MAL2: variants seen among roughly 807,000 people sequenced by gnomAD.
MAL2 encodes mal, T cell differentiation protein 2.
In MAL2, 17 loss-of-function variants were observed where a neutral mutation model predicts 18.1. The ratio of observed to expected loss-of-function variants is 0.94; its 90% CI spans 0.64 to 1.41. The LOEUF (loss-of-function observed/expected upper bound fraction) is 1.41. Ranked by LOEUF, MAL2 falls within the 40% of genes most tolerant of loss-of-function variation. MAL2 has a pLI of 0.00. For synonymous variants in MAL2, 102 were observed against 102.3 expected (o/e 1.00, Z 0.02); for missense variants, 222 against 231.9 (o/e 0.96, Z 0.28).
At chr8:119,217,753 ACCATTTTTGT>A (rs1817381780) in intron 1 of MAL2, among the ~76,000 whole-genome samples, 1 of 152,056 alleles carries the variant, frequency 6.6e-6, no homozygotes, top group African/African-American at 2.4e-5. Context: ...GTCAGATTTA[ACCATTTTTGT>A]GTTCTGCTTT....
At chr8:119,219,825 G>A (rs1817434394) in intron 1 of MAL2, among the ~76,000 whole-genome samples, 2 of 151,646 alleles carry the variant, frequency 1.3e-5, no homozygotes. Context: ...AGCCCAGTAG[G>A]GAGGTTGCCC....
chr8:119,231,906 G>C (rs1305363599), intron 2 of MAL2, among the ~76,000 whole-genome samples: 1 of 151,908 alleles, frequency 6.6e-6, no homozygotes, highest in Non-Finnish European at 1.5e-5. Flanking sequence ...TGATTACCAG[G>C]GTATGGGGTG....
intron 2 of MAL2, among the ~76,000 whole-genome samples, chr8:119,235,523 A>G (rs978423258): frequency 6.8e-4 from 84 of 124,260 alleles, no homozygotes; most frequent in African/African-American, 2.1e-3. Flanking sequence ...GAAATGAAGG[A>G]AAAAATGTTA....
intron 2 of MAL2, chr8:119,223,884 C>T (rs1817524909): frequency 6.6e-6 from 1 of 151,952 alleles, no homozygotes; most frequent in African/African-American, 2.4e-5. Context: ...TGTACACTCT[C>T]CCAGGAAAAC....
intron 2 of MAL2, among the ~76,000 whole-genome samples, chr8:119,234,922 G>A (rs1217615639): frequency 5.3e-5 from 8 of 152,118 alleles, no homozygotes; most frequent in Admixed American, 1.3e-4. Flanking sequence ...CCAAAGGAAC[G>A]CAGTTCCTCA....
chr8:119,213,697 T>C (rs1358648354), intron 1 of MAL2, among the ~76,000 whole-genome samples: 1 of 152,110 alleles, frequency 6.6e-6, no homozygotes, highest in Non-Finnish European at 1.5e-5. Context: ...CACATGACTG[T>C]AATCCCAGCT....
intron 2 of MAL2, among the ~76,000 whole-genome samples, chr8:119,228,006 T>G (rs1817631567): frequency 1.4e-5 from 2 of 140,402 alleles, no homozygotes; most frequent in Admixed American, 1.4e-4. Flanking sequence ...ACTTGTTTGT[T>G]TTTAGTCACA....
chr8:119,208,789 C>T lies in MAL2; in HGVS notation c.132+185C>T, dbSNP rs550517556. 6.5e-5 allele frequency: 62 copies of T among 958,796 alleles called. No homozygotes were observed. The East Asian group carries it at 1.7e-3, about 26-fold the overall frequency. The allele number at this position is 958,796 out of a possible 1,614,324, so 59.4% of individuals were successfully genotyped here. A position where few individuals can be genotyped will look rare whatever the true frequency, so the allele number is the denominator to read the frequency against. On this transcript the variant is annotated intron_variant, in intron 1 of 3. Coordinates refer to ENST00000614891, the MANE Select transcript of MAL2 (RefSeq NM_052886.3). This position sits in a 1 kb window ranked among gnomAD's most constrained non-coding sequence, Gnocchi z 4.3. ...CCGCCGCCCGGGCCCTCCCTCCTAG[C>T]ACCTGTTACGCGGGCACCTGCTCCC...
At chr8:119,224,032 T>C (rs558067192) in intron 2 of MAL2, 1 of 152,316 alleles carries the variant, frequency 6.6e-6, no homozygotes, top group African/African-American at 2.4e-5. Flanking sequence ...TAGACCATAC[T>C]TGAAGGAAGC....
Position 119,243,727 on chromosome 8 carries a change from TTCC to T in MAL2, c.*244_*246del, listed in dbSNP as rs1818097054. On this transcript the variant is annotated 3_prime_UTR_variant, in exon 4 of 4. Transcript: ENST00000614891. ...CCCTTTTTCCCTTTCCCCCTTTATT[TTCC>T]TCCTTTTCTTTCTGAAAGTTTCCTT... The T allele has an allele frequency of 2.8e-6, 1 of 351,436 alleles. No individual in the cohort carries two copies. Among genetic ancestry groups the T allele is most frequent in the African/African-American group, 2.1e-5 (1 of 47,488 alleles). 21.8% of individuals were successfully genotyped at this position (351,436 alleles called of 1,614,324 possible).
chr8:119,244,509 G>A lies in MAL2; in HGVS notation c.*1021G>A, dbSNP rs995498546. On this transcript the variant is annotated 3_prime_UTR_variant, in exon 4 of 4. Transcript: ENST00000614891. ...GATGTCTTACTTTGAGTTTATTTAT[G>A]CTTCAGAATACAGTTGTTTGCCCTG... 6.6e-6 allele frequency: 1 copy of A among 152,090 alleles called. No individual in the cohort carries two copies. Among genetic ancestry groups the A allele is most frequent in the Non-Finnish European group, 1.5e-5 (1 of 67,990 alleles). The allele number at this position is 152,090 out of a possible 1,614,324, so 9.4% of individuals were successfully genotyped here.
intron 1 of MAL2, among the ~76,000 whole-genome samples, chr8:119,213,088 A>G (rs575931617): frequency 5.3e-5 from 8 of 152,336 alleles, no homozygotes; most frequent in African/African-American, 1.7e-4. Context: ...TGAAAGAAGG[A>G]TGGAGAAGGA....
intron 1 of MAL2, among the ~76,000 whole-genome samples, chr8:119,210,883 C>A (rs1817257819): frequency 1.3e-5 from 2 of 152,086 alleles, no homozygotes; most frequent in African/African-American, 4.8e-5. Flanking sequence ...ATATCAATCT[C>A]CCCCACCCCA....
intron 2 of MAL2, among the ~76,000 whole-genome samples, chr8:119,228,499 T>A (rs1042591497): frequency 1.3e-5 from 2 of 152,190 alleles, no homozygotes; most frequent in African/African-American, 2.4e-5. Context: ...TCCTAAAGGA[T>A]GACCCCCATC....
intron 2 of MAL2, among the ~76,000 whole-genome samples, chr8:119,226,848 C>T (rs996059017): frequency 1.3e-5 from 2 of 152,216 alleles, no homozygotes; most frequent in African/African-American, 4.8e-5. Context: ...TAAACAAGCT[C>T]TCCAGGTGGT....
intron 2 of MAL2, among the ~76,000 whole-genome samples, chr8:119,237,977 G>A (rs190693398): frequency 1.3e-5 from 2 of 152,344 alleles, no homozygotes; most frequent in East Asian, 1.9e-4. Context: ...ATTCAGTTAG[G>A]AAAAGAGGAA....
In MAL2 at chr8:119,221,846, T is replaced by C. The variant is rs530475771; in HGVS notation, c.303+89T>C. On this transcript the variant is annotated intron_variant, in intron 2 of 3. Transcript: ENST00000614891. ...CTGAAATGCCAGAGTCCCAGTTCTG[T>C]TGCCCCTAATGGGAGAGAAGCGGTC... is the stretch of plus-strand genomic sequence containing the variant. 8.0e-6 allele frequency: 11 copies of C among 1,379,762 alleles called. No homozygotes were observed. In the East Asian group the frequency reaches 2.3e-4, roughly 29 times the overall value. 85.5% of individuals were successfully genotyped at this position (1,379,762 alleles called of 1,614,324 possible).
intron 2 of MAL2, among the ~76,000 whole-genome samples, chr8:119,237,520 A>T (rs1817934493): frequency 6.6e-6 from 1 of 151,694 alleles, no homozygotes; most frequent in South Asian, 2.1e-4. Flanking sequence ...CTTGATGAAC[A>T]TTGATGCAAA....
chr8:119,233,539 T>TCTCTGCAA (rs1238049967), intron 2 of MAL2, among the ~76,000 whole-genome samples: 4 of 152,132 alleles, frequency 2.6e-5, no homozygotes, highest in African/African-American at 9.7e-5. Context: ...CAGAGAATAC[T>TCTCTGCAA]ACAAACACCT....
Sources: gnomAD v4.1 joint callset for allele counts (sites outside exome capture counted in the v4.1 genomes callset) on GRCh38, gnomAD v4.1.1 for gene constraint, Gnocchi (gnomAD v3.1) non-coding constraint, MANE v1.5 for transcripts, NCBI Gene and HGNC (gene_info 2026-07-23, HGNC 2026-07-21) for gene names.